Variants in SLA observed in about 807,000 individuals in gnomAD.
SLA encodes src-like-adapter.
In SLA, 16 loss-of-function variants were observed where a neutral mutation model predicts 30.3. The ratio of observed to expected loss-of-function variants is 0.53; its 90% CI spans 0.36 to 0.80. The LOEUF is 0.80. SLA is among the 30% of genes least tolerant of loss of function. The pLI is 0.01. For missense variants in SLA, 310 were observed against 345.2 expected (o/e 0.90, Z 0.81); for synonymous variants, 143 against 137.8 (o/e 1.04, Z -0.26).
In SLA at chr8:133,091,382, A is replaced by G. The variant is rs562855326; in HGVS notation, c.-319+11171T>C. Among the ~76,000 whole-genome samples, 6 of 152,302 alleles carry G rather than the reference A, an allele frequency of 3.9e-5. No individual in the cohort carries two copies. The East Asian group carries it at 9.7e-4, about 25-fold the overall frequency. ...GCAAGGCGTGCCAGGAGGGAGGCGG[A>G]GTCCATCCAGAGGACCCTCTGACAC... On this transcript the variant is annotated intron_variant, in intron 1 of 8. Coordinates refer to ENST00000338087, the MANE Select transcript of SLA (RefSeq NM_001045556.3).
chr8:133,086,977 A>C lies in SLA; in HGVS notation c.-318-11847T>G, dbSNP rs551067817. ...ATTGAAAACAATCTTGTAAATAAAT[A>C]AGTAATGATACAGAATGATATCGAC... is the stretch of plus-strand genomic sequence containing the variant. On this transcript the variant is annotated intron_variant, in intron 1 of 8. Transcript: ENST00000338087. 3.9e-5 allele frequency among the ~76,000 whole-genome samples: 6 copies of C among 152,278 alleles called. No homozygotes were observed. In the East Asian group the frequency reaches 9.6e-4, roughly 24 times the overall value.
chr8:133,098,775 T>C (rs1009493063), intron 1 of SLA, among the ~76,000 whole-genome samples: 1 of 152,142 alleles, frequency 6.6e-6, no homozygotes, highest in Non-Finnish European at 1.5e-5. Flanking sequence ...GTTGTTCTTG[T>C]TGGCAGATCT....
In SLA at chr8:133,045,003, G is replaced by C; in HGVS notation, c.465C>G (p.Asp155Glu). 4 of 1,614,116 alleles carry C rather than the reference G, an allele frequency of 2.5e-6. No homozygotes were observed. The highest frequency in any genetic ancestry group is 3.4e-6 in the Non-Finnish European group (4 of 1,179,932). Residue 155 changes from aspartate to glutamate, a missense_variant, in exon 7 of 9, where the codon GAC (aspartate) becomes GAG (glutamate). By Grantham distance (45) the Asp-to-Glu change is conservative. Coordinates refer to ENST00000338087, the MANE Select transcript of SLA (RefSeq NM_001045556.3). ...TCTTACCAGAATAGTGGTTCACCAGGTCCTCCAGGCACTGGAAGGTGAGCC... is the reference window on the plus strand; with the variant it reads ...TCTTACCAGAATAGTGGTTCACCAGCTCCTCCAGGCACTGGAAGGTGAGCC... Reference protein sequence around the residue: ...SPRLTFQCLEDLVNHYSEVAD... With the variant: ...SPRLTFQCLEELVNHYSEVAD...
intron 8 of SLA, among the ~76,000 whole-genome samples, chr8:133,039,423 G>T (rs1029405462): frequency 2.0e-5 from 3 of 152,086 alleles, no homozygotes; most frequent in African/African-American, 7.2e-5. Flanking sequence ...GCATAATTTT[G>T]ATCCTGATTT....
intron 1 of SLA, 114 bp downstream of exon 1, chr8:133,102,438 CG>C: frequency 2.2e-6 from 2 of 897,234 alleles, no homozygotes; most frequent in South Asian, 1.5e-5. Flanking sequence ...AGACCAAAGA[CG>C]GAGGGTGGGT....
chr8:133,100,170 G>T (rs1285302771), intron 1 of SLA, among the ~76,000 whole-genome samples: 1 of 152,120 alleles, frequency 6.6e-6, no homozygotes, highest in Non-Finnish European at 1.5e-5. Context: ...CCATATCAGG[G>T]TCCTGGTACT....
intron 2 of SLA, 143 bp downstream of exon 2, chr8:133,074,710 G>T (rs1242659263): frequency 7.5e-6 from 2 of 266,086 alleles, no homozygotes; most frequent in East Asian, 1.8e-4. Flanking sequence ...CCAGGTTGGG[G>T]GCTGGGCTTC....
intron 1 of SLA, among the ~76,000 whole-genome samples, chr8:133,089,055 A>G (rs865996445): frequency 2.6e-5 from 4 of 152,340 alleles, no homozygotes; most frequent in South Asian, 2.1e-4. Flanking sequence ...GGCACCTTCC[A>G]GGTGTGGGTG....
chr8:133,042,209 A>G (rs1838390677), intron 7 of SLA, among the ~76,000 whole-genome samples: 2 of 152,122 alleles, frequency 1.3e-5, no homozygotes, highest in South Asian at 2.1e-4. Context: ...AAAGCAACTC[A>G]TTGCCTCTTA....
intron 1 of SLA, among the ~76,000 whole-genome samples, chr8:133,091,527 G>A (rs1295500182): frequency 2.0e-5 from 3 of 152,196 alleles, no homozygotes; most frequent in South Asian, 2.1e-4. Flanking sequence ...GATTCCTCCC[G>A]GGAAATGCTG....
rs139639073 is a variant in SLA at position 133,078,245 on chromosome 8, G to A, written c.-318-3115C>T. Among the ~76,000 whole-genome samples, 576 of 152,332 alleles carry A rather than the reference G, an allele frequency of 3.8e-3. 3 individuals carry two copies. The highest frequency in any genetic ancestry group is 6.8e-3 in the Middle Eastern group (2 of 294). On this transcript the variant is annotated intron_variant, in intron 1 of 8. Transcript: ENST00000338087. ...TGGGAATTAGGGCTTGGAAGCTACAGTATGGGCAGCCTGTGAGCTGCATCT... is the reference window on the plus strand; with the variant it reads ...TGGGAATTAGGGCTTGGAAGCTACAATATGGGCAGCCTGTGAGCTGCATCT...
At position 133,038,449 on chromosome 8, in the gene SLA, C is replaced by T. The variant is rs773622043; in HGVS notation, c.*75G>A. On this transcript the variant is annotated 3_prime_UTR_variant, in exon 9 of 9. Transcript: ENST00000338087. ...GAGGCTCCCAGGGATCAGGGAACCT[C>T]GCTTTTCGCAAGATCCCAGGCAATA... 87 of 1,216,658 alleles carry T rather than the reference C, an allele frequency of 7.2e-5. No homozygotes were observed. The highest frequency in any genetic ancestry group is 1.4e-4 in the East Asian group (6 of 43,098). 75.4% of individuals were successfully genotyped at this position (1,216,658 alleles called of 1,614,324 possible). A position where few individuals can be genotyped will look rare whatever the true frequency, so the allele number is the denominator to read the frequency against.
rs1454557459 is a variant in SLA at position 133,061,163 on chromosome 8, C to A, written c.-40-963G>T. Among the ~76,000 whole-genome samples the A allele has an allele frequency of 4.6e-5, 7 of 152,132 alleles. 1 individual carries two copies. Among genetic ancestry groups the A allele is most frequent in the Non-Finnish European group, 8.8e-5 (6 of 68,024 alleles). On this transcript the variant is annotated intron_variant, in intron 2 of 8. Coordinates refer to ENST00000338087, the MANE Select transcript of SLA (RefSeq NM_001045556.3). ...GTAGCTGGGATTACAGGCACACATG[C>A]CACACCCAGCTAATTTTTGTATTTT...
At chr8:133,050,998 A>G in intron 3 of SLA, 83 bp from the exon 4 acceptor site, 1 of 766,504 alleles carries the variant, frequency 1.3e-6, no homozygotes, top group South Asian at 1.5e-5. Context: ...GAGGGAGGGT[A>G]TGAAGATGAG....
At position 133,058,349 on chromosome 8, in the gene SLA, G is replaced by A. The variant is rs1662489490; in HGVS notation, c.61+1751C>T. Among the ~76,000 whole-genome samples, 3 of 152,174 alleles carry A rather than the reference G, an allele frequency of 2.0e-5. No individual in the cohort carries two copies. The South Asian group carries it at 6.2e-4, about 32-fold the overall frequency. ...CTTCACCAGGGGGTGGAGGGGTGGG[G>A]AGACCCCTCTCTCTATGTCTGTTCT... On this transcript the variant is annotated intron_variant, in intron 3 of 8. Transcript: ENST00000338087.
rs1564119657 is a variant in SLA at position 133,050,994 on chromosome 8, G to T, written c.62-79C>A. On this transcript the variant is annotated intron_variant, in intron 3 of 8. Transcript: ENST00000338087. The stretch of plus-strand genomic sequence containing the variant: ...AGCTTAAAGGTAGGCTTGGGAGGGA[G>T]GGTATGAAGATGAGATTTTCCAGCA... 3 of 796,380 alleles carry T rather than the reference G, an allele frequency of 3.8e-6. No individual in the cohort carries two copies. The East Asian group carries it at 7.5e-5, about 20-fold the overall frequency. The allele number at this position is 796,380 out of a possible 1,614,324, so 49.3% of individuals were successfully genotyped here. A position where few individuals can be genotyped will look rare whatever the true frequency, so the allele number is the denominator to read the frequency against.
At chr8:133,093,297 C>CT in intron 1 of SLA, among the ~76,000 whole-genome samples, 1 of 152,292 alleles carries the variant, frequency 6.6e-6, no homozygotes, top group South Asian at 2.1e-4. Context: ...CTTGGCCTGG[C>CT]TGAGTAGTTT....
In SLA at chr8:133,089,355, A is replaced by G. The variant is rs142601990; in HGVS notation, c.-319+13198T>C. Among the ~76,000 whole-genome samples the G allele has an allele frequency of 3.2e-3, 481 of 152,324 alleles. 2 individuals are homozygous for G. Among genetic ancestry groups the G allele is most frequent in the African/African-American group, 0.011 (461 of 41,564 alleles). Reference sequence around the variant, plus strand: ...CACATTCAGGAGGTATTGATGCTCCATCCTTTACTGAGGGCCTGCTGAGCA... The same window carrying G: ...CACATTCAGGAGGTATTGATGCTCCGTCCTTTACTGAGGGCCTGCTGAGCA... On this transcript the variant is annotated intron_variant, in intron 1 of 8. Coordinates refer to ENST00000338087, the MANE Select transcript of SLA (RefSeq NM_001045556.3).
intron 2 of SLA, among the ~76,000 whole-genome samples, chr8:133,071,319 G>A (rs1052358416): frequency 2.6e-5 from 4 of 152,228 alleles, no homozygotes; most frequent in Non-Finnish European, 5.9e-5. Flanking sequence ...AGTTTGCCCA[G>A]CTGGAAAGTG....
Sources: allele counts gnomAD v4.1 joint callset (sites outside exome capture counted in the v4.1 genomes callset), GRCh38; gene constraint gnomAD v4.1.1; transcripts MANE v1.5; gene names NCBI Gene and HGNC (gene_info 2026-07-23, HGNC 2026-07-21).